The following PPP3CA variants were observed in gnomAD, a reference collection of about 807,000 sequenced individuals.
PPP3CA encodes protein phosphatase 3 catalytic subunit alpha, also known as CAM-PRP catalytic subunit.
Under a neutral mutation model 66.5 loss-of-function variants are expected in PPP3CA, and 14 were observed. The observed-to-expected ratio is 0.21, with a 90% CI of 0.14 to 0.33. The LOEUF is 0.33. PPP3CA is among the 10% of genes least tolerant of loss of function. The pLI, the probability that PPP3CA is intolerant of heterozygous loss-of-function variation, is 1.00. For missense variants in PPP3CA, 317 were observed against 639.5 expected (o/e 0.50, Z 5.44); for synonymous variants, 232 against 226.2 (o/e 1.03, Z -0.23).
chr4:101,309,547 T>C (rs924665708), intron 1 of PPP3CA, among the ~76,000 whole-genome samples: 1 of 152,136 alleles, frequency 6.6e-6, no homozygotes, highest in Non-Finnish European at 1.5e-5. Context: ...GTTCTAGGAC[T>C]CAGGGAAAAC....
At chr4:101,312,749 A>G (rs150515987) in intron 1 of PPP3CA, among the ~76,000 whole-genome samples, 100 of 152,338 alleles carry the variant, frequency 6.6e-4, no homozygotes, top group African/African-American at 2.1e-3. Context: ...GATTAATACA[A>G]TAAGTGACAA....
intron 1 of PPP3CA, chr4:101,240,818 T>C (rs1347410735): frequency 6.6e-6 from 1 of 152,130 alleles, no homozygotes; most frequent in East Asian, 1.9e-4. Flanking sequence ...ATCCAAAAGA[T>C]CACATTGTAA....
chr4:101,328,809 C>T (rs1438832161), intron 1 of PPP3CA, among the ~76,000 whole-genome samples: 1 of 151,978 alleles, frequency 6.6e-6, no homozygotes. Flanking sequence ...TTGTATGTTA[C>T]TATTGTAATT....
chr4:101,052,282 T>C (rs1017907381), intron 10 of PPP3CA, among the ~76,000 whole-genome samples: 3 of 152,074 alleles, frequency 2.0e-5, no homozygotes, highest in African/African-American at 7.2e-5. Flanking sequence ...GCTTATTTGA[T>C]AGTCAAGGCT....
intron 2 of PPP3CA, among the ~76,000 whole-genome samples, chr4:101,137,969 T>C (rs1217454847): frequency 1.3e-5 from 2 of 152,092 alleles, no homozygotes; most frequent in East Asian, 3.9e-4. Flanking sequence ...TTATTCTGCA[T>C]TATATAAAAC....
intron 1 of PPP3CA, among the ~76,000 whole-genome samples, chr4:101,340,591 A>T (rs1223082731): frequency 6.6e-6 from 1 of 152,202 alleles, no homozygotes; most frequent in Non-Finnish European, 1.5e-5. Flanking sequence ...TCTCATATGA[A>T]ATATAATTGA....
At chr4:101,231,361 A>G (rs1725958310) in intron 1 of PPP3CA, among the ~76,000 whole-genome samples, 1 of 151,784 alleles carries the variant, frequency 6.6e-6, no homozygotes, top group Admixed American at 6.6e-5. Flanking sequence ...CAGACTATTT[A>G]TCAATGAGTC....
chr4:101,176,356 A>G (rs1724058988), intron 2 of PPP3CA, among the ~76,000 whole-genome samples: 1 of 152,214 alleles, frequency 6.6e-6, no homozygotes, highest in African/African-American at 2.4e-5. Context: ...TGCAGAAGTA[A>G]AGTCATCACC....
intron 1 of PPP3CA, among the ~76,000 whole-genome samples, chr4:101,309,813 T>C (rs1034222484): frequency 1.3e-5 from 2 of 152,226 alleles, no homozygotes; most frequent in African/African-American, 4.8e-5. Context: ...AATGTTTCTA[T>C]AGGATATTCT....
chr4:101,346,049 T>C (rs1342350907), intron 1 of PPP3CA, among the ~76,000 whole-genome samples: 4 of 151,884 alleles, frequency 2.6e-5, no homozygotes, highest in Admixed American at 2.6e-4. Flanking sequence ...TGCTCTCAGG[T>C]CGTTCCCCGC....
At chr4:101,108,856 T>C (rs1342894737) in intron 3 of PPP3CA, 98 bp downstream of exon 3, 3 of 1,174,824 alleles carry the variant, frequency 2.6e-6, no homozygotes, top group South Asian at 3.0e-5. Flanking sequence ...ATTTCATTGT[T>C]AGAGGTTTCC....
chr4:101,283,929 C>T (rs1727759251), intron 1 of PPP3CA, among the ~76,000 whole-genome samples: 1 of 152,140 alleles, frequency 6.6e-6, no homozygotes, highest in Non-Finnish European at 1.5e-5. Flanking sequence ...TCCTTTAAAT[C>T]TTAAAAGTTT....
intron 1 of PPP3CA, among the ~76,000 whole-genome samples, chr4:101,214,143 G>A (rs1046330633): frequency 2.6e-5 from 4 of 151,986 alleles, no homozygotes; most frequent in Non-Finnish European, 5.9e-5. Flanking sequence ...CCTTATTTTG[G>A]GGGGCTAACA....
chr4:101,141,056 C>T (rs913739267), intron 2 of PPP3CA, among the ~76,000 whole-genome samples: 3 of 152,090 alleles, frequency 2.0e-5, no homozygotes, highest in Non-Finnish European at 4.4e-5. Flanking sequence ...TCTAAAGATA[C>T]CATAAAACCA....
chr4:101,268,676 A>G (rs548419608), intron 1 of PPP3CA, among the ~76,000 whole-genome samples: 2 of 152,248 alleles, frequency 1.3e-5, no homozygotes, highest in Admixed American at 1.3e-4. Context: ...AACAATCCCT[A>G]TAGCATATTA....
At chr4:101,291,210 A>G (rs1023668939) in intron 1 of PPP3CA, among the ~76,000 whole-genome samples, 2 of 152,204 alleles carry the variant, frequency 1.3e-5, no homozygotes, top group African/African-American at 2.4e-5. Flanking sequence ...ATGTGGGTCA[A>G]AATAATTTCC....
At position 101,099,660 on chromosome 4, in the gene PPP3CA, T is replaced by C; in HGVS notation, c.447A>G (p.Gly149=). 6.3e-7 allele frequency: 1 copy of C among 1,597,930 alleles called. No individual in the cohort carries two copies. Among genetic ancestry groups the C allele is most frequent in the Non-Finnish European group, 8.5e-7 (1 of 1,171,570 alleles). Residue 149 remains glycine, a synonymous_variant, in exon 4 of 14, where the codon GGA becomes GGG. Transcript: ENST00000394854. The stretch of plus-strand genomic sequence containing the variant: ...CTGTTAGATGTCTACATTCATGATT[T>C]CCACGAAGTAAAAACAGTGTTTTGG... ...LYPKTLFLLR[G]NHECRHLTEY...
intron 1 of PPP3CA, among the ~76,000 whole-genome samples, chr4:101,294,722 G>T (rs981575515): frequency 6.6e-6 from 1 of 151,918 alleles, no homozygotes; most frequent in East Asian, 1.9e-4. Context: ...TCTGTGTTGT[G>T]GGGGGAGTTC....
chr4:101,046,106 G>T (rs1023184296), intron 10 of PPP3CA, among the ~76,000 whole-genome samples: 1 of 152,124 alleles, frequency 6.6e-6, no homozygotes. Context: ...AAAAGGCAAT[G>T]AAGACTTCTC....
Sources: gnomAD v4.1 joint callset for allele counts (sites outside exome capture counted in the v4.1 genomes callset) on GRCh38, gnomAD v4.1.1 for gene constraint, MANE v1.5 for transcripts, NCBI Gene and HGNC (gene_info 2026-07-23, HGNC 2026-07-21) for gene names.